Variants in PCDHGA2 observed in about 807,000 individuals in gnomAD.
PCDHGA2 encodes protocadherin gamma-A2.
PCDHGA2 carries 40 observed loss-of-function variants against 59.2 expected under a neutral mutation model. The observed-to-expected ratio is 0.68, with a 90% confidence interval of 0.52 to 0.88. PCDHGA2 has a LOEUF of 0.88. Ranked by LOEUF, PCDHGA2 falls within the 40% of genes least tolerant of loss-of-function variation. The probability of loss-of-function intolerance (pLI) is 0.00; values close to 1 mark genes in which losing one functional copy is unlikely to be tolerated. For synonymous variants in PCDHGA2, 560 were observed against 526.0 expected (o/e 1.06, Z -0.89); for missense variants, 1,226 against 1,204.0 (o/e 1.02, Z -0.27).
chr5:141,386,090 T>C (rs184634259), intron 1 of PCDHGA2: 1 of 152,362 alleles, frequency 6.6e-6, no homozygotes, highest in Non-Finnish European at 1.5e-5. Context: ...TACAGCCAGA[T>C]GAAGTGTGTC....
At chr5:141,374,140 C>G in intron 1 of PCDHGA2, 1 of 1,609,666 alleles carries the variant, frequency 6.2e-7, no homozygotes, top group Non-Finnish European at 8.5e-7. Flanking sequence ...TCCTCACGCT[C>G]CTGGGGACGC....
chr5:141,342,241 C>A (rs1232627869), intron 1 of PCDHGA2: 4 of 152,156 alleles, frequency 2.6e-5, no homozygotes, highest in African/African-American at 9.7e-5. Context: ...CCAGAACCAA[C>A]TTCTTTATAC....
intron 1 of PCDHGA2, chr5:141,357,870 A>G (rs1760750404): frequency 3.6e-6 from 2 of 550,968 alleles, no homozygotes; most frequent in African/African-American, 1.9e-5. Flanking sequence ...TAATTTTACA[A>G]CTCTGAGCCA....
chr5:141,469,753 T>C (rs564585597), intron 1 of PCDHGA2, among the ~76,000 whole-genome samples: 1 of 152,322 alleles, frequency 6.6e-6, no homozygotes, highest in East Asian at 1.9e-4. Flanking sequence ...ATTACAAAAA[T>C]ACATATATAC....
chr5:141,352,060 G>C (rs1758905366), intron 1 of PCDHGA2: 3 of 1,605,742 alleles, frequency 1.9e-6, no homozygotes, highest in Non-Finnish European at 2.5e-6. Flanking sequence ...ACGCTTGGCT[G>C]TCCTACCACG....
At chr5:141,464,556 G>A (rs1158827360) in intron 1 of PCDHGA2, among the ~76,000 whole-genome samples, 4 of 151,990 alleles carry the variant, frequency 2.6e-5, no homozygotes, top group Admixed American at 6.6e-5. Flanking sequence ...TCCCCATCTT[G>A]CATTCCTACA....
intron 1 of PCDHGA2, chr5:141,352,164 G>A (rs775400971): frequency 1.9e-6 from 3 of 1,613,176 alleles, no homozygotes; most frequent in South Asian, 1.1e-5. Flanking sequence ...GACGCGGCCC[G>A]CCAGCGCCTG....
chr5:141,497,413 T>C (rs572922456), intron 2 of PCDHGA2, among the ~76,000 whole-genome samples: 8 of 152,046 alleles, frequency 5.3e-5, no homozygotes, highest in Admixed American at 5.2e-4. Context: ...TCCCATTCCA[T>C]CAAATGAGAG....
At chr5:141,382,764 A>G (rs1778415401) in intron 1 of PCDHGA2, 1 of 699,092 alleles carries the variant, frequency 1.4e-6, no homozygotes. Context: ...GCCCTCTTCC[A>G]GGCTGCACTA....
rs777293240 is a variant in PCDHGA2, at chr5:141,393,034, T to A, written c.2424+51639T>A. The A allele has an allele frequency of 1.3e-5, 21 of 1,613,636 alleles. No homozygotes were observed. Among genetic ancestry groups the A allele is most frequent in the Admixed American group, 6.7e-5 (4 of 59,986 alleles). Reference sequence around the variant, plus strand: ...ATCGTCTCCAGAGGTAGGACGCAGCTCTTTGCTCTGAACCCGCGCAGCGGC... The same window carrying A: ...ATCGTCTCCAGAGGTAGGACGCAGCACTTTGCTCTGAACCCGCGCAGCGGC... On this transcript the variant is annotated intron_variant, in intron 1 of 3. Coordinates refer to ENST00000394576, the MANE Select transcript of PCDHGA2 (RefSeq NM_018915.4).
intron 1 of PCDHGA2, 172 bp downstream of exon 1, chr5:141,341,567 A>T: frequency 7.7e-7 from 1 of 1,293,046 alleles, no homozygotes; most frequent in Non-Finnish European, 1.0e-6. Context: ...AGGCTGTAAG[A>T]GGAAGAAGAG....
chr5:141,437,331 A>T (rs2097876062), intron 1 of PCDHGA2, among the ~76,000 whole-genome samples: 1 of 152,244 alleles, frequency 6.6e-6, no homozygotes, highest in South Asian at 2.1e-4. Context: ...TAAAATTTGT[A>T]GCTTCACTGT....
Position 141,486,177 on chromosome 5 carries a change from G to A in PCDHGA2, c.2425-8630G>A. The A allele has an allele frequency of 6.2e-7, 1 of 1,614,222 alleles. No individual in the cohort carries two copies. Among genetic ancestry groups the A allele is most frequent in the Non-Finnish European group, 8.5e-7 (1 of 1,180,042 alleles). ...TCTCCAGCCATGGAGCAACATTGCA[G>A]CCTTCGAGTGGATCTGCTGGACGTA... On this transcript the variant is annotated intron_variant, in intron 1 of 3. Coordinates refer to ENST00000394576, the MANE Select transcript of PCDHGA2 (RefSeq NM_018915.4). The surrounding 1 kb of genome is among the most constrained non-coding windows in gnomAD (Gnocchi z 5.0).
intron 1 of PCDHGA2, chr5:141,345,612 G>T (rs770695271): frequency 1.2e-6 from 2 of 1,614,172 alleles, no homozygotes; most frequent in Admixed American, 1.7e-5. Flanking sequence ...GCAATTTAGA[G>T]ACTTAAAGCT....
At chr5:141,388,369 T>G in intron 1 of PCDHGA2, 1 of 1,614,006 alleles carries the variant, frequency 6.2e-7, no homozygotes, top group Non-Finnish European at 8.5e-7. Flanking sequence ...GATGCGGATA[T>G]TGGTAGCAAC....
chr5:141,441,102 C>A (rs1057297804), intron 1 of PCDHGA2: 2 of 152,148 alleles, frequency 1.3e-5, no homozygotes, highest in Non-Finnish European at 2.9e-5. Flanking sequence ...GAGAGGGACT[C>A]ATTGTCCAGT....
At chr5:141,390,377 T>G in intron 1 of PCDHGA2, 9 of 1,463,992 alleles carry the variant, frequency 6.1e-6, no homozygotes, top group Non-Finnish European at 8.4e-6. Flanking sequence ...TATATAATTT[T>G]TAGATGTCAT....
chr5:141,419,148 C>G, intron 1 of PCDHGA2: 1 of 1,613,940 alleles, frequency 6.2e-7, no homozygotes. Flanking sequence ...AGGGGCAAGC[C>G]TCCGTTATCC....
At chr5:141,388,278 A>C (rs769879098) in intron 1 of PCDHGA2, 2 of 1,613,384 alleles carry the variant, frequency 1.2e-6, no homozygotes, top group African/African-American at 2.7e-5. Context: ...CCACACGCCA[A>C]AATTCACGCA....
Sources: allele counts gnomAD v4.1 joint callset (sites outside exome capture counted in the v4.1 genomes callset), GRCh38; gene constraint gnomAD v4.1.1; non-coding constraint Gnocchi (gnomAD v3.1); transcripts MANE v1.5; gene names NCBI Gene and HGNC (gene_info 2026-07-23, HGNC 2026-07-21).